Variants in TTC28 observed in about 807,000 individuals in gnomAD.
TTC28 encodes tetratricopeptide repeat protein 28.
In TTC28, 61 loss-of-function variants were observed where a neutral mutation model predicts 198.0. That is an observed-to-expected ratio of 0.31 (90% CI 0.25 to 0.38). The LOEUF is 0.38. Ranked by LOEUF, TTC28 falls within the 10% of genes least tolerant of loss-of-function variation. TTC28 has a pLI of 1.00. For synonymous variants in TTC28, 1,171 were observed against 1,297.8 expected, an observed-to-expected ratio of 0.90 and a Z score of 2.10; for missense variants, 2,678 against 3,164.0, an observed-to-expected ratio of 0.85 and a Z score of 3.69.
intron 2 of TTC28, among the ~76,000 whole-genome samples, chr22:28,367,264 A>C (rs990318576): frequency 8.5e-5 from 13 of 152,248 alleles, no homozygotes; most frequent in Admixed American, 7.2e-4. Flanking sequence ...AATGGAATAA[A>C]ACTAGAAATC....
intron 6 of TTC28, among the ~76,000 whole-genome samples, chr22:28,149,037 G>A (rs1205488082): frequency 6.6e-6 from 1 of 152,152 alleles, no homozygotes; most frequent in African/African-American, 2.4e-5. Context: ...CGTGTTGTTA[G>A]GTGATTTCGT....
chr22:28,137,713 G>T (rs1457245030), intron 6 of TTC28, among the ~76,000 whole-genome samples: 1 of 151,984 alleles, frequency 6.6e-6, no homozygotes, highest in East Asian at 1.9e-4. Flanking sequence ...CATTCTACTG[G>T]TTAGAAAATA....
chr22:28,626,261 G>A (rs1172608571), intron 2 of TTC28, among the ~76,000 whole-genome samples: 1 of 151,964 alleles, frequency 6.6e-6, no homozygotes, highest in Non-Finnish European at 1.5e-5. Context: ...CTCTTTTACA[G>A]CCCATATCAC....
intron 5 of TTC28, among the ~76,000 whole-genome samples, chr22:28,230,852 T>C (rs994363159): frequency 6.6e-6 from 1 of 152,178 alleles, no homozygotes. Context: ...AGAAATGACC[T>C]AATAGGAAGT....
intron 1 of TTC28, among the ~76,000 whole-genome samples, chr22:28,640,461 G>C (rs1005460302): frequency 2.6e-5 from 4 of 151,608 alleles, no homozygotes; most frequent in Non-Finnish European, 4.4e-5. Flanking sequence ...AAACTGATAA[G>C]AGACATCAAC....
At chr22:28,459,396 A>G (rs1320719080) in intron 2 of TTC28, among the ~76,000 whole-genome samples, 1 of 152,030 alleles carries the variant, frequency 6.6e-6, no homozygotes, top group Non-Finnish European at 1.5e-5. Context: ...GCACGACTGC[A>G]CTCCAGCCTG....
At chr22:28,537,806 C>G (rs1222899825) in intron 2 of TTC28, among the ~76,000 whole-genome samples, 1 of 152,048 alleles carries the variant, frequency 6.6e-6, no homozygotes, top group Non-Finnish European at 1.5e-5. Context: ...AGCTAATAAA[C>G]TAGGGTAGTT....
intron 2 of TTC28, among the ~76,000 whole-genome samples, chr22:28,565,902 CAG>C (rs764138062): frequency 1.4e-4 from 22 of 152,258 alleles, no homozygotes; most frequent in Non-Finnish European, 2.5e-4. Flanking sequence ...CTTCCAAACA[CAG>C]GGGGAAAGTG....
intron 12 of TTC28, among the ~76,000 whole-genome samples, chr22:28,078,249 G>A (rs1941230017): frequency 6.6e-6 from 1 of 152,120 alleles, no homozygotes; most frequent in Non-Finnish European, 1.5e-5. Context: ...GGACACCATG[G>A]CTAGGCTGCG....
intron 5 of TTC28, among the ~76,000 whole-genome samples, chr22:28,218,509 A>G (rs1927583034): frequency 6.6e-6 from 1 of 152,162 alleles, no homozygotes; most frequent in South Asian, 2.1e-4. Flanking sequence ...CAGTTTTGAT[A>G]AAATTTCTCC....
intron 12 of TTC28, among the ~76,000 whole-genome samples, chr22:28,031,980 G>A (rs1312532671): frequency 1.3e-5 from 2 of 151,572 alleles, no homozygotes; most frequent in Admixed American, 6.6e-5. Context: ...TTTGCCTTCA[G>A]GCTTGGACTT....
Position 27,983,655 on chromosome 22 carries a change from A to G in TTC28, c.6012T>C (p.Phe2004=), listed in dbSNP as rs1937101000. ...CTGATCCACCCTCGGGTTTGGAGAC[A>G]AAGCTCATTGAGGAGGCAATGGAGC... ...SLSSIASSMS[F]VSKPEGGSEG... is the part of the protein sequence containing the mutation. The change falls in exon 23 of 23, where the codon TTT becomes TTC. Residue 2004 remains phenylalanine (F), a synonymous_variant. Coordinates refer to ENST00000397906, the MANE Select transcript of TTC28 (RefSeq NM_001145418.2). 1 of 1,544,976 alleles carries G rather than the reference A, an allele frequency of 6.5e-7. No individual in the cohort carries two copies. Among genetic ancestry groups the G allele is most frequent in the Non-Finnish European group, 8.7e-7 (1 of 1,143,916 alleles).
At chr22:28,373,645 T>A (rs1281756803) in intron 2 of TTC28, among the ~76,000 whole-genome samples, 2 of 152,180 alleles carry the variant, frequency 1.3e-5, no homozygotes, top group African/African-American at 2.4e-5. Flanking sequence ...ATGAAGACTA[T>A]AATCATTAGC....
At chr22:28,277,823 GC>G (rs765016243) in intron 5 of TTC28, among the ~76,000 whole-genome samples, 4 of 151,960 alleles carry the variant, frequency 2.6e-5, no homozygotes, top group Non-Finnish European at 5.9e-5. Context: ...CTCCAATCTG[GC>G]CCCGAGGATC....
intron 2 of TTC28, among the ~76,000 whole-genome samples, chr22:28,327,484 A>G (rs780322879): frequency 7.2e-5 from 11 of 152,188 alleles, no homozygotes; most frequent in Non-Finnish European, 1.3e-4. Context: ...TCAACAATAT[A>G]TATTAATCAG....
At chr22:28,398,831 C>G (rs924918768) in intron 2 of TTC28, among the ~76,000 whole-genome samples, 3 of 152,130 alleles carry the variant, frequency 2.0e-5, no homozygotes, top group Non-Finnish European at 4.4e-5. Context: ...CATGACCTAT[C>G]AAGTGAGTAT....
At chr22:28,403,206 A>T (rs961903892) in intron 2 of TTC28, among the ~76,000 whole-genome samples, 3 of 152,186 alleles carry the variant, frequency 2.0e-5, no homozygotes, top group African/African-American at 7.2e-5. Flanking sequence ...AGTCTTTGCT[A>T]TTGGCCAATA....
At chr22:28,216,919 T>C (rs1927450832) in intron 5 of TTC28, among the ~76,000 whole-genome samples, 6 of 152,076 alleles carry the variant, frequency 3.9e-5, no homozygotes, top group Admixed American at 3.9e-4. Context: ...AGGGTCTTCC[T>C]GTGTTGCCCA....
At chr22:28,576,212 G>A (rs937122022) in intron 2 of TTC28, among the ~76,000 whole-genome samples, 1 of 151,748 alleles carries the variant, frequency 6.6e-6, no homozygotes, top group Non-Finnish European at 1.5e-5. Flanking sequence ...GGGATGTTGA[G>A]TTTTATCAAA....
Sources: gnomAD v4.1 joint callset for allele counts (sites outside exome capture counted in the v4.1 genomes callset) on GRCh38, gnomAD v4.1.1 for gene constraint, MANE v1.5 for transcripts, NCBI Gene and HGNC (gene_info 2026-07-23, HGNC 2026-07-21) for gene names.